Variants in PHACTR1 observed in about 807,000 individuals in gnomAD.
The protein encoded by PHACTR1 is RPEL repeat containing 1.
Under a neutral mutation model 69.2 loss-of-function variants are expected in PHACTR1, and 16 were observed. That is an observed-to-expected ratio of 0.23 (90% CI 0.16 to 0.35). The LOEUF (loss-of-function observed/expected upper bound fraction) is 0.35. Ranked by LOEUF, PHACTR1 falls within the 10% of genes least tolerant of loss-of-function variation. PHACTR1 has a pLI of 1.00. For missense variants in PHACTR1, 510 were observed against 734.7 expected (o/e 0.69, Z 3.54); for synonymous variants, 312 against 284.5 (o/e 1.10, Z -0.97).
At chr6:13,091,232 C>T (rs547624300) in intron 5 of PHACTR1, among the ~76,000 whole-genome samples, 2 of 152,252 alleles carry the variant, frequency 1.3e-5, no homozygotes, top group South Asian at 2.1e-4. Context: ...TTCCTGACCT[C>T]GGGTGATCCA....
chr6:12,751,904 G>A (rs895675381), intron 4 of PHACTR1, among the ~76,000 whole-genome samples: 1 of 152,180 alleles, frequency 6.6e-6, no homozygotes, highest in African/African-American at 2.4e-5. Context: ...GTCCTCCCTT[G>A]GTGGTGCTGA....
intron 4 of PHACTR1, among the ~76,000 whole-genome samples, chr6:12,782,843 A>G (rs1482055771): frequency 6.6e-6 from 1 of 152,242 alleles, no homozygotes; most frequent in Admixed American, 6.5e-5. Flanking sequence ...AAGTAGACAC[A>G]GTAATTACCT....
At chr6:13,114,014 C>T (rs913382489) in intron 5 of PHACTR1, among the ~76,000 whole-genome samples, 8 of 152,208 alleles carry the variant, frequency 5.3e-5, no homozygotes, top group Admixed American at 1.3e-4. Flanking sequence ...TAAAGGTCTG[C>T]AAAAATATTT....
chr6:13,215,203 C>A (rs927865884), intron 8 of PHACTR1, among the ~76,000 whole-genome samples: 11 of 152,188 alleles, frequency 7.2e-5, no homozygotes, highest in African/African-American at 4.8e-5. Flanking sequence ...GTGCTTGGCA[C>A]TGGGGATGTA....
At chr6:12,930,615 T>G (rs181422624) in intron 4 of PHACTR1, among the ~76,000 whole-genome samples, 25 of 152,092 alleles carry the variant, frequency 1.6e-4, no homozygotes, top group Admixed American at 1.4e-3. Context: ...CTCTAACTGG[T>G]TGGAAGGGCT....
At chr6:13,010,885 T>C (rs562719014) in intron 4 of PHACTR1, among the ~76,000 whole-genome samples, 1 of 151,668 alleles carries the variant, frequency 6.6e-6, no homozygotes, top group Admixed American at 6.6e-5. Flanking sequence ...TGAGGCAGCA[T>C]TCAGGGTACA....
chr6:13,248,441 A>G (rs1773893715), intron 10 of PHACTR1, among the ~76,000 whole-genome samples: 1 of 152,252 alleles, frequency 6.6e-6, no homozygotes, highest in South Asian at 2.1e-4. Context: ...CTATGCATTA[A>G]TTTGTTGATA....
At chr6:13,176,824 T>C (rs1489200132) in intron 6 of PHACTR1, among the ~76,000 whole-genome samples, 1 of 152,198 alleles carries the variant, frequency 6.6e-6, no homozygotes, top group Non-Finnish European at 1.5e-5. Flanking sequence ...TCAATGGTTA[T>C]TTATTAAATA....
chr6:13,209,498 A>C (rs1187986305), intron 8 of PHACTR1, among the ~76,000 whole-genome samples: 1 of 152,208 alleles, frequency 6.6e-6, no homozygotes, highest in Non-Finnish European at 1.5e-5. Flanking sequence ...AATCTCAAAG[A>C]ATGTCACACC....
In PHACTR1 at chr6:13,277,959, A is replaced by G. The variant is rs534775948; in HGVS notation, c.1448-309A>G. ...AACGAGACCGTGTCAAAAAAAAAAA[A>G]AAAACCTACCTTCCTGCCTTGTAGC... On this transcript the variant is annotated intron_variant, in intron 11 of 14. Transcript: ENST00000332995. 27 of 181,610 alleles carry G rather than the reference A, an allele frequency of 1.5e-4. No individual in the cohort carries two copies. In the South Asian group the frequency reaches 3.0e-3, roughly 20 times the overall value. 11.2% of individuals were successfully genotyped at this position (181,610 alleles called of 1,614,324 possible).
At chr6:12,827,131 T>G (rs560871075) in intron 4 of PHACTR1, among the ~76,000 whole-genome samples, 78 of 152,324 alleles carry the variant, frequency 5.1e-4, no homozygotes, top group African/African-American at 1.8e-3. Context: ...GAGATAATGT[T>G]GCTGGCTAAC....
chr6:13,099,599 T>C (rs941624902), intron 5 of PHACTR1, among the ~76,000 whole-genome samples: 1 of 152,188 alleles, frequency 6.6e-6, no homozygotes, highest in East Asian at 1.9e-4. Flanking sequence ...TGGATGTGGA[T>C]GTGGGTGTGG....
chr6:12,734,748 C>T (rs1581490062), intron 3 of PHACTR1, among the ~76,000 whole-genome samples: 2 of 152,118 alleles, frequency 1.3e-5, no homozygotes, highest in South Asian at 2.1e-4. Context: ...AGAGGATGGG[C>T]GGAGTTTAGA....
intron 4 of PHACTR1, among the ~76,000 whole-genome samples, chr6:12,793,567 C>A (rs1408250976): frequency 6.6e-6 from 1 of 152,142 alleles, no homozygotes; most frequent in African/African-American, 2.4e-5. Context: ...TGGAAGATAC[C>A]TAGTGCTGTA....
intron 7 of PHACTR1, among the ~76,000 whole-genome samples, chr6:13,187,553 G>C (rs1288503740): frequency 2.0e-5 from 3 of 152,212 alleles, no homozygotes; most frequent in Non-Finnish European, 4.4e-5. Context: ...TCCCTAGGCA[G>C]TGAAAAAACT....
intron 14 of PHACTR1, among the ~76,000 whole-genome samples, chr6:13,286,712 A>C (rs910932972): frequency 6.6e-6 from 1 of 152,276 alleles, no homozygotes; most frequent in East Asian, 1.9e-4. Context: ...ATAAGGTTGC[A>C]TTGCTAGTTA....
chr6:12,729,422 A>G (rs1178542485), intron 3 of PHACTR1, among the ~76,000 whole-genome samples: 2 of 152,158 alleles, frequency 1.3e-5, no homozygotes, highest in African/African-American at 4.8e-5. Context: ...GAGGATAAAA[A>G]AGAATACTCT....
At chr6:13,151,936 G>C (rs1415517472) in intron 5 of PHACTR1, among the ~76,000 whole-genome samples, 1 of 151,928 alleles carries the variant, frequency 6.6e-6, no homozygotes, top group Non-Finnish European at 1.5e-5. Flanking sequence ...GTGTGTGTGT[G>C]TATGTGCAAG....
intron 4 of PHACTR1, among the ~76,000 whole-genome samples, chr6:12,903,694 A>G (rs1785431592): frequency 6.6e-6 from 1 of 152,242 alleles, no homozygotes; most frequent in South Asian, 2.1e-4. Context: ...AAAGGTAATA[A>G]ATATGTCTAT....
Sources: gnomAD v4.1 joint callset for allele counts (sites outside exome capture counted in the v4.1 genomes callset) on GRCh38, gnomAD v4.1.1 for gene constraint, MANE v1.5 for transcripts, NCBI Gene and HGNC (gene_info 2026-07-23, HGNC 2026-07-21) for gene names.